RNF152: variants seen among roughly 807,000 people sequenced by gnomAD.
The protein encoded by RNF152 is ring finger protein 152.
In RNF152, 11 loss-of-function variants were observed where a neutral mutation model predicts 12.7. The ratio of observed to expected loss-of-function variants is 0.86; its 90% CI spans 0.54 to 1.43. RNF152 has a LOEUF of 1.43. RNF152 is among the 40% of genes most tolerant of loss of function. The pLI is 0.00. For missense variants in RNF152, 255 were observed against 274.8 expected, an observed-to-expected ratio of 0.93 and a Z score of 0.51; for synonymous variants, 113 against 120.3, an observed-to-expected ratio of 0.94 and a Z score of 0.40.
At position 61,816,257 on chromosome 18, in the gene RNF152, G is replaced by A; in HGVS notation, c.207C>T (p.Leu69=). 6.2e-7 allele frequency: 1 copy of A among 1,614,238 alleles called. No individual in the cohort carries two copies. Among genetic ancestry groups the A allele is most frequent in the African/African-American group, 1.3e-5 (1 of 75,080 alleles). Residue 69 remains leucine (L), a synonymous_variant, in exon 2 of 2, where the codon CTC becomes CTT. Transcript: ENST00000312828. Reference sequence around the variant, plus strand: ...CAGCCAGGACCTCCGGGTCGTCCGGGAGCTGCGACACGGAGAAGCCGGGAG... The same window carrying A: ...CAGCCAGGACCTCCGGGTCGTCCGGAAGCTGCGACACGGAGAAGCCGGGAG... ...KLPPGFSVSQ[L]PDDPEVLAVI... is the part of the protein sequence containing the mutation.
At chr18:61,888,496 A>C (rs899831353) in intron 1 of RNF152, 2 of 152,230 alleles carry the variant, frequency 1.3e-5, no homozygotes, top group African/African-American at 4.8e-5. Context: ...ACAGTATTCA[A>C]TAAACTACAT....
At chr18:61,852,212 T>C (rs1448549311) in intron 1 of RNF152, among the ~76,000 whole-genome samples, 1 of 152,176 alleles carries the variant, frequency 6.6e-6, no homozygotes, top group East Asian at 1.9e-4. Flanking sequence ...CATAAGGACA[T>C]AAGACAGAAG....
rs1908977538 is a variant in RNF152, at chr18:61,814,647, G to C, written c.*1205C>G. 1.3e-5 allele frequency: 2 copies of C among 152,158 alleles called. No individual in the cohort carries two copies. The highest frequency in any genetic ancestry group is 2.9e-5 in the Non-Finnish European group (2 of 68,028). 9.4% of individuals were successfully genotyped at this position (152,158 alleles called of 1,614,324 possible). On this transcript the variant is annotated 3_prime_UTR_variant, in exon 2 of 2. Transcript: ENST00000312828. ...GGTAAAAACGTGTTAAAATACAGGA[G>C]ATCTTCTCTCATATCAACAAGAGGA... is the stretch of plus-strand genomic sequence containing the variant.
chr18:61,862,376 T>C (rs1295830465), intron 1 of RNF152, among the ~76,000 whole-genome samples: 3 of 152,196 alleles, frequency 2.0e-5, no homozygotes, highest in East Asian at 1.9e-4. Flanking sequence ...AGAGAGGAGA[T>C]GACCATCCTG....
chr18:61,874,358 C>G (rs895879280), intron 1 of RNF152, among the ~76,000 whole-genome samples: 1 of 152,220 alleles, frequency 6.6e-6, no homozygotes, highest in Non-Finnish European at 1.5e-5. Context: ...ATTACAGATA[C>G]AGGATTCAGC....
chr18:61,848,138 G>A (rs1910817875), intron 1 of RNF152, among the ~76,000 whole-genome samples: 1 of 152,104 alleles, frequency 6.6e-6, no homozygotes, highest in Non-Finnish European at 1.5e-5. Flanking sequence ...GCACACAGTA[G>A]ACACCTGATT....
chr18:61,820,328 CACCA>C (rs1431481060), intron 1 of RNF152, among the ~76,000 whole-genome samples: 5 of 28,104 alleles, frequency 1.8e-4, no homozygotes, highest in African/African-American at 7.7e-4. Flanking sequence ...GACTCCGTCT[CACCA>C]AAAAAAAAAA....
intron 1 of RNF152, among the ~76,000 whole-genome samples, chr18:61,889,535 G>A (rs532920820): frequency 6.6e-6 from 1 of 152,240 alleles, no homozygotes; most frequent in East Asian, 1.9e-4. Context: ...GGGAGAGTGA[G>A]GCAAGGAAGG....
rs1568275291 is a variant in RNF152, at chr18:61,844,100, A to AAGAAAGAAAGAAAGAAAG, written c.-135-27520_-135-27503dup. Reference sequence around the variant, plus strand: ...AAGGAAAGAAAGAAAGAAAGAAAGAAAGAAAGAAAGAAAGAAAGAAAGAAA... The same window carrying AAGAAAGAAAGAAAGAAAG: ...AAGGAAAGAAAGAAAGAAAGAAAGAAAGAAAGAAAGAAAGAAAGAGAAAGAAAGAAAGAAAGAAAGAAA... On this transcript the variant is annotated intron_variant, in intron 1 of 1. Coordinates refer to ENST00000312828, the MANE Select transcript of RNF152 (RefSeq NM_173557.3). 2.8e-3 allele frequency among the ~76,000 whole-genome samples: 386 copies of AAGAAAGAAAGAAAGAAAG among 139,772 alleles called. 17 individuals carry two copies. The highest frequency in any genetic ancestry group is 9.4e-4 in the Non-Finnish European group (60 of 63,550). The allele number at this position is 139,772 out of a possible 152,430, so 91.7% of individuals were successfully genotyped here.
chr18:61,825,713 C>T (rs896891003), intron 1 of RNF152, among the ~76,000 whole-genome samples: 5 of 152,132 alleles, frequency 3.3e-5, no homozygotes, highest in Admixed American at 6.5e-5. Context: ...TAGCCAGGCT[C>T]CCTTGGAGAG....
At chr18:61,857,702 C>T (rs886695458) in intron 1 of RNF152, among the ~76,000 whole-genome samples, 3 of 151,994 alleles carry the variant, frequency 2.0e-5, no homozygotes, top group Non-Finnish European at 2.9e-5. Flanking sequence ...ATTAAACAAA[C>T]AAACAAACAA....
intron 1 of RNF152, among the ~76,000 whole-genome samples, chr18:61,820,354 A>G (rs1335141153): frequency 6.6e-6 from 1 of 151,000 alleles, no homozygotes; most frequent in Non-Finnish European, 1.5e-5. Context: ...AAAAAAAAAA[A>G]AAAAAGAGTA....
At chr18:61,839,578 TCTC>T (rs1220664315) in intron 1 of RNF152, among the ~76,000 whole-genome samples, 22 of 152,284 alleles carry the variant, frequency 1.4e-4, no homozygotes, top group African/African-American at 5.1e-4. Flanking sequence ...CTCCTTGGAT[TCTC>T]CTCCTCTTTT....
At chr18:61,878,092 CTG>C (rs1912294081) in intron 1 of RNF152, among the ~76,000 whole-genome samples, 1 of 152,198 alleles carries the variant, frequency 6.6e-6, no homozygotes, top group South Asian at 2.1e-4. Flanking sequence ...GCATCCCACT[CTG>C]AACTGCATCT....
intron 1 of RNF152, among the ~76,000 whole-genome samples, chr18:61,836,405 G>A (rs1644135690): frequency 6.6e-6 from 1 of 152,098 alleles, no homozygotes; most frequent in African/African-American, 2.4e-5. Flanking sequence ...TTGGAGGTAG[G>A]GCCTTCAGGA....
Position 61,813,323 on chromosome 18 carries a change from A to G in RNF152, c.*2529T>C, listed in dbSNP as rs1908908241. Reference sequence around the variant, plus strand: ...ACACACACACACACACACATACACAAGAATGCACACCCCAACAAACAGGTA... The same window carrying G: ...ACACACACACACACACACATACACAGGAATGCACACCCCAACAAACAGGTA... On this transcript the variant is annotated 3_prime_UTR_variant, in exon 2 of 2. Transcript: ENST00000312828. 1 of 145,352 alleles carries G rather than the reference A, an allele frequency of 6.9e-6. No individual in the cohort carries two copies. The highest frequency in any genetic ancestry group is 2.7e-5 in the African/African-American group (1 of 37,356). The allele number at this position is 145,352 out of a possible 1,614,324, so 9.0% of individuals were successfully genotyped here. A position where few individuals can be genotyped will look rare whatever the true frequency, so the allele number is the denominator to read the frequency against.
At chr18:61,828,951 T>A (rs1345287516) in intron 1 of RNF152, among the ~76,000 whole-genome samples, 5 of 152,116 alleles carry the variant, frequency 3.3e-5, no homozygotes. Context: ...CCTATGTCTG[T>A]CTGGGGCATC....
chr18:61,892,043 C>T (rs955852600), intron 1 of RNF152, among the ~76,000 whole-genome samples: 3 of 152,210 alleles, frequency 2.0e-5, no homozygotes, highest in Non-Finnish European at 4.4e-5. Flanking sequence ...TCATTGCACT[C>T]TTATCAAGAT....
At chr18:61,831,139 ATTC>A (rs1370300732) in intron 1 of RNF152, among the ~76,000 whole-genome samples, 2 of 152,102 alleles carry the variant, frequency 1.3e-5, no homozygotes, top group African/African-American at 4.8e-5. Context: ...CAGCACTCAA[ATTC>A]TTCTCATCTG....
Sources: gnomAD v4.1 joint callset for allele counts (sites outside exome capture counted in the v4.1 genomes callset) on GRCh38, gnomAD v4.1.1 for gene constraint, MANE v1.5 for transcripts, NCBI Gene and HGNC (gene_info 2026-07-23, HGNC 2026-07-21) for gene names.